Variants in PLXNA2 observed in about 807,000 individuals in gnomAD.
PLXNA2 encodes plexin-A2.
Under a neutral mutation model 193.5 loss-of-function variants are expected in PLXNA2, and 91 were observed. The ratio of observed to expected loss-of-function variants is 0.47; its 90% CI spans 0.40 to 0.56. The LOEUF is 0.56. Ranked by LOEUF, PLXNA2 falls within the 20% of genes least tolerant of loss-of-function variation. The pLI is 0.00. For missense variants in PLXNA2, 1,995 were observed against 2,503.2 expected (o/e 0.80, Z 4.33); for synonymous variants, 997 against 1,027.3 (o/e 0.97, Z 0.56).
chr1:208,130,705 C>T (rs1309838410), intron 4 of PLXNA2, among the ~76,000 whole-genome samples: 1 of 152,138 alleles, frequency 6.6e-6, no homozygotes, highest in African/African-American at 2.4e-5. Flanking sequence ...CCTACTCCTC[C>T]CCGGCCACTC....
chr1:208,139,321 A>T (rs1231607016), intron 4 of PLXNA2, among the ~76,000 whole-genome samples: 1 of 152,186 alleles, frequency 6.6e-6, no homozygotes, highest in African/African-American at 2.4e-5. Flanking sequence ...CCTAGAACAC[A>T]GATCTCCTGG....
At position 208,028,152 on chromosome 1, in the gene PLXNA2, C is replaced by T. The variant is rs370357486; in HGVS notation, c.5446G>A (p.Ala1816Thr). Reference protein sequence around the residue: ...SYKSWVERYYADIAKLPAISD... With the variant: ...SYKSWVERYYTDIAKLPAISD... ...ATGGCTGGGAGCTTGGCGATGTCTG[C>T]GTAGTATCTGCCAGAGACAGGATAG... The change falls in exon 31 of 32, where the codon GCA becomes ACA. Residue 1816 changes from alanine (A) to threonine (T), a missense_variant. Around this residue, in one of 3 missense-constraint regions of PLXNA2, gnomAD observed 1,291 missense variants for 1,673.6 expected, o/e 0.77. Transcript: ENST00000367033. The surrounding 1 kb of genome is among the most constrained non-coding windows in gnomAD (Gnocchi z 4.2). The T allele has an allele frequency of 1.1e-5, 18 of 1,610,550 alleles. No homozygotes were observed. Among genetic ancestry groups the T allele is most frequent in the Admixed American group, 3.4e-5 (2 of 59,526 alleles).
At chr1:208,233,248 C>T (rs1417280673) in intron 1 of PLXNA2, among the ~76,000 whole-genome samples, 3 of 152,196 alleles carry the variant, frequency 2.0e-5, no homozygotes, top group South Asian at 2.1e-4. Context: ...CTATCATACT[C>T]GGTATATGGA....
chr1:208,091,994 T>C (rs1571906046), intron 9 of PLXNA2, among the ~76,000 whole-genome samples: 2 of 152,208 alleles, frequency 1.3e-5, no homozygotes, highest in Admixed American at 6.5e-5. Context: ...TGGGCAACTA[T>C]GTAATGTCTC....
intron 1 of PLXNA2, among the ~76,000 whole-genome samples, chr1:208,220,542 G>T (rs541568763): frequency 6.6e-6 from 1 of 151,680 alleles, no homozygotes; most frequent in Non-Finnish European, 1.5e-5. Context: ...AAGCGATTCT[G>T]CTGCCTCAGC....
At chr1:208,165,421 C>T (rs536889762) in intron 3 of PLXNA2, among the ~76,000 whole-genome samples, 1 of 152,254 alleles carries the variant, frequency 6.6e-6, no homozygotes. Context: ...GGAAACAAGG[C>T]TCTGAGAGTT....
At chr1:208,128,027 G>A (rs1236947606) in intron 4 of PLXNA2, among the ~76,000 whole-genome samples, 2 of 152,188 alleles carry the variant, frequency 1.3e-5, no homozygotes, top group African/African-American at 4.8e-5. Flanking sequence ...ACCCACACTG[G>A]CTGATGGAGG....
chr1:208,180,750 AGTT>A (rs1669816721), intron 3 of PLXNA2, among the ~76,000 whole-genome samples: 2 of 152,206 alleles, frequency 1.3e-5, no homozygotes, highest in South Asian at 4.1e-4. Flanking sequence ...TTTTGTCTGA[AGTT>A]GTTGCCCCTC....
chr1:208,051,454 GA>G, intron 15 of PLXNA2, 31 bp from the exon 16 acceptor site: 1 of 1,593,396 alleles, frequency 6.3e-7, no homozygotes, highest in Admixed American at 1.8e-5. Flanking sequence ...GGGTTGAGAA[GA>G]AAGGCATGGG....
Position 208,022,303 on chromosome 1 carries a change from C to T in PLXNA2, c.*4940G>A, listed in dbSNP as rs995819366. 1.3e-5 allele frequency: 2 copies of T among 152,252 alleles called. No homozygotes were observed. The highest frequency in any genetic ancestry group is 2.1e-4 in the South Asian group (1 of 4,812). 9.4% of individuals were successfully genotyped at this position (152,252 alleles called of 1,614,324 possible). The stretch of plus-strand genomic sequence containing the variant: ...ACTTTATTTATATATAACAACAGTA[C>T]AAATTGTGTCCTCAGCTTGCAAAAT... On this transcript the variant is annotated 3_prime_UTR_variant, in exon 32 of 32. Coordinates refer to ENST00000367033, the MANE Select transcript of PLXNA2 (RefSeq NM_025179.4).
At chr1:208,115,090 G>C (rs1261374128) in intron 4 of PLXNA2, among the ~76,000 whole-genome samples, 1 of 152,120 alleles carries the variant, frequency 6.6e-6, no homozygotes, top group Admixed American at 6.5e-5. Flanking sequence ...CCTCTGTGTT[G>C]GTTTGGGAAC....
At chr1:208,098,014 C>T (rs968086482) in intron 6 of PLXNA2, among the ~76,000 whole-genome samples, 1 of 152,080 alleles carries the variant, frequency 6.6e-6, no homozygotes, top group Non-Finnish European at 1.5e-5. Flanking sequence ...CTGTAGGTTT[C>T]CCTCTATCTT....
chr1:208,229,797 A>G (rs533494412), intron 1 of PLXNA2, among the ~76,000 whole-genome samples: 6 of 151,876 alleles, frequency 4.0e-5, no homozygotes, highest in Non-Finnish European at 8.8e-5. Context: ...ACATAATAAT[A>G]AAAAATGACA....
intron 3 of PLXNA2, among the ~76,000 whole-genome samples, chr1:208,194,121 G>C (rs1373572707): frequency 6.6e-6 from 1 of 151,724 alleles, no homozygotes; most frequent in Non-Finnish European, 1.5e-5. Context: ...CTCAGCCAAG[G>C]AAAGAGACTG....
intron 4 of PLXNA2, among the ~76,000 whole-genome samples, chr1:208,104,620 A>T (rs192012015): frequency 2.8e-4 from 43 of 152,288 alleles, no homozygotes; most frequent in Middle Eastern, 3.4e-3. Flanking sequence ...TGATGAGCGA[A>T]AGCGATCATG....
chr1:208,149,349 T>C (rs1050750961), intron 3 of PLXNA2, among the ~76,000 whole-genome samples: 14 of 151,792 alleles, frequency 9.2e-5, no homozygotes, highest in African/African-American at 3.4e-4. Flanking sequence ...ATGTGTTGTA[T>C]GTACATGGAT....
chr1:208,181,194 C>T (rs532569032), intron 3 of PLXNA2, among the ~76,000 whole-genome samples: 9 of 152,316 alleles, frequency 5.9e-5, no homozygotes, highest in East Asian at 5.8e-4. Flanking sequence ...AGGACAATCC[C>T]ATCTACCACT....
In PLXNA2 at chr1:208,179,575, G is replaced by C. The variant is rs1423909929; in HGVS notation, c.1371+30705C>G. Among the ~76,000 whole-genome samples, 3 of 152,284 alleles carry C rather than the reference G, an allele frequency of 2.0e-5. No individual in the cohort carries two copies. In the East Asian group the frequency reaches 5.8e-4, roughly 30 times the overall value. On this transcript the variant is annotated intron_variant, in intron 3 of 31. Transcript: ENST00000367033. ...CACAGACTACACGTCAGCCCTAGAGGTCAAGATCAGAGGGAGAGGCTCAAC... is the reference window on the plus strand; with the variant it reads ...CACAGACTACACGTCAGCCCTAGAGCTCAAGATCAGAGGGAGAGGCTCAAC...
At chr1:208,093,209 T>C (rs1030281403) in intron 8 of PLXNA2, among the ~76,000 whole-genome samples, 1 of 152,348 alleles carries the variant, frequency 6.6e-6, no homozygotes, top group African/African-American at 2.4e-5. Flanking sequence ...GACATCATGG[T>C]GGTAGTTTGA....
Sources: gnomAD v4.1 joint callset for allele counts (sites outside exome capture counted in the v4.1 genomes callset) on GRCh38, gnomAD v4.1.1 for gene constraint, gnomAD v4.1.1 regional missense constraint, Gnocchi (gnomAD v3.1) non-coding constraint, MANE v1.5 for transcripts, NCBI Gene and HGNC (gene_info 2026-07-23, HGNC 2026-07-21) for gene names.